Variants in ADAMTS18 observed in about 807,000 individuals in gnomAD.
The protein encoded by ADAMTS18 is ADAM metallopeptidase with thrombospondin type 1 motif 18.
In ADAMTS18, 157 loss-of-function variants were observed where a neutral mutation model predicts 165.9. The ratio of observed to expected loss-of-function variants is 0.95; its 90% confidence interval spans 0.83 to 1.08. The LOEUF (loss-of-function observed/expected upper bound fraction) is 1.08. Among genes scored for constraint, ADAMTS18 ranks in the 50% least tolerant of loss-of-function variants. The pLI, the probability that ADAMTS18 is intolerant of heterozygous loss-of-function variation, is 0.00. For synonymous variants in ADAMTS18, 782 were observed against 578.2 expected (o/e 1.35, Z -5.06); for missense variants, 2,040 against 1,534.0 (o/e 1.33, Z -5.51).
Position 77,282,906 on chromosome 16 carries a change from C to CTCTCTTTTTTTTTTTTTT in ADAMTS18, c.*1049_*1050insAAAAAAAAAAAAAAGAGA. The CTCTCTTTTTTTTTTTTTT allele has an allele frequency of 1.3e-5, 1 of 77,582 alleles. No homozygotes were observed. The highest frequency in any genetic ancestry group is 2.8e-5 in the Non-Finnish European group (1 of 36,340). 4.8% of individuals were successfully genotyped at this position (77,582 alleles called of 1,614,324 possible). ...CCACTGTTTACTCCTTTCTTTCTCT[C>CTCTCTTTTTTTTTTTTTT]TTTTTTTTTTTTTTTTTTTTGCTGT... On this transcript the variant is annotated 3_prime_UTR_variant, in exon 23 of 23. Coordinates refer to ENST00000282849, the MANE Select transcript of ADAMTS18 (RefSeq NM_199355.4).
intron 12 of ADAMTS18, among the ~76,000 whole-genome samples, chr16:77,331,874 C>G (rs1421540135): frequency 6.6e-6 from 1 of 152,212 alleles, no homozygotes; most frequent in African/African-American, 2.4e-5. Flanking sequence ...CCAAACTCTG[C>G]TTTATATTTT....
chr16:77,340,932 G>C (rs2056388707), intron 11 of ADAMTS18, among the ~76,000 whole-genome samples: 1 of 152,102 alleles, frequency 6.6e-6, no homozygotes, highest in African/African-American at 2.4e-5. Context: ...CCTTGAGACA[G>C]AGTCAATAAT....
At chr16:77,385,682 G>A (rs148826647) in intron 3 of ADAMTS18, among the ~76,000 whole-genome samples, 26 of 152,282 alleles carry the variant, frequency 1.7e-4, no homozygotes, top group African/African-American at 4.6e-4. Flanking sequence ...GATTAAGTAC[G>A]CTACGTGGCA....
intron 3 of ADAMTS18, among the ~76,000 whole-genome samples, chr16:77,419,227 T>A (rs1274632194): frequency 6.6e-6 from 1 of 152,170 alleles, no homozygotes; most frequent in African/African-American, 2.4e-5. Context: ...GTTCCCTGCT[T>A]AGGGTCTTCA....
intron 12 of ADAMTS18, among the ~76,000 whole-genome samples, chr16:77,326,669 C>A (rs544505766): frequency 2.6e-4 from 39 of 152,198 alleles, no homozygotes; most frequent in African/African-American, 8.7e-4. Flanking sequence ...AGGTGTGAAC[C>A]AATGCACCCA....
Position 77,406,061 on chromosome 16 carries a change from G to A in ADAMTS18, c.495+25234C>T, listed in dbSNP as rs150924839. ...TAACTTTGATACCCAAACCTGACAA[G>A]GGTACAACAGTAAAATTACAGACCA... On this transcript the variant is annotated intron_variant, in intron 3 of 22. Coordinates refer to ENST00000282849, the MANE Select transcript of ADAMTS18 (RefSeq NM_199355.4). 4.6e-5 allele frequency among the ~76,000 whole-genome samples: 7 copies of A among 152,212 alleles called. No homozygotes were observed. The East Asian group carries it at 1.4e-3, about 29-fold the overall frequency.
chr16:77,377,146 T>C (rs77581152), intron 3 of ADAMTS18, among the ~76,000 whole-genome samples: 13,600 of 152,306 alleles, frequency 0.089, 795 homozygotes, highest in East Asian at 0.26. Context: ...AAAGGACTCA[T>C]GCCAGGTATA....
At chr16:77,356,445 C>T (rs755198424) in intron 8 of ADAMTS18, among the ~76,000 whole-genome samples, 6 of 152,034 alleles carry the variant, frequency 3.9e-5, no homozygotes, top group African/African-American at 9.7e-5. Flanking sequence ...TCACCAACCA[C>T]GGAACTATGG....
At chr16:77,325,672 TA>T (rs112943550) in intron 13 of ADAMTS18, among the ~76,000 whole-genome samples, 193 bp downstream of exon 13, 4,574 of 115,510 alleles carry the variant, frequency 0.04, 410 homozygotes, top group East Asian at 0.24. Context: ...AGGTATCTTA[TA>T]GGGGGAAAAA....
At chr16:77,326,087 T>G in intron 12 of ADAMTS18, 49 bp from the exon 13 acceptor site, 1 of 1,559,704 alleles carries the variant, frequency 6.4e-7, no homozygotes, top group Non-Finnish European at 8.8e-7. Context: ...AAGGGCTCAT[T>G]ATTAGTCACA....
chr16:77,415,612 A>C (rs1338566826), intron 3 of ADAMTS18, among the ~76,000 whole-genome samples: 1 of 151,780 alleles, frequency 6.6e-6, no homozygotes, highest in Non-Finnish European at 1.5e-5. Flanking sequence ...TCAGTATGTA[A>C]AACATGTCAC....
intron 21 of ADAMTS18, chr16:77,290,984 CA>C (rs1356436901): frequency 1.3e-5 from 5 of 388,376 alleles, no homozygotes; most frequent in African/African-American, 1.0e-4. Context: ...CCAACATTAG[CA>C]GTGTATAACT....
intron 3 of ADAMTS18, among the ~76,000 whole-genome samples, chr16:77,375,080 T>A (rs771383360): frequency 9.9e-5 from 15 of 152,098 alleles, no homozygotes; most frequent in Non-Finnish European, 1.8e-4. Flanking sequence ...TCTGGCTTGG[T>A]AACAGTGAAT....
At chr16:77,324,914 G>GA (rs11465146) in intron 13 of ADAMTS18, among the ~76,000 whole-genome samples, 53,990 of 151,910 alleles carry the variant, frequency 0.36, 11,115 homozygotes, top group East Asian at 0.88. Flanking sequence ...ATACTTCCTG[G>GA]CAAACAGTCA....
At chr16:77,306,789 G>C (rs1457712494) in intron 16 of ADAMTS18, among the ~76,000 whole-genome samples, 1 of 152,184 alleles carries the variant, frequency 6.6e-6, no homozygotes, top group Non-Finnish European at 1.5e-5. Context: ...AGAAGAAGGT[G>C]CTATTAATTC....
At chr16:77,298,711 G>A (rs1316500763) in intron 17 of ADAMTS18, among the ~76,000 whole-genome samples, 1 of 152,196 alleles carries the variant, frequency 6.6e-6, no homozygotes, top group Non-Finnish European at 1.5e-5. Flanking sequence ...AGGATGGCTT[G>A]AGCCCCAGAG....
intron 3 of ADAMTS18, among the ~76,000 whole-genome samples, chr16:77,374,000 C>T (rs1597189953): frequency 6.6e-6 from 1 of 152,050 alleles, no homozygotes; most frequent in Non-Finnish European, 1.5e-5. Context: ...GTGCAGATCA[C>T]GTGAGGTCAG....
At chr16:77,371,977 A>G (rs1279962124) in intron 3 of ADAMTS18, among the ~76,000 whole-genome samples, 3 of 152,188 alleles carry the variant, frequency 2.0e-5, no homozygotes, top group Non-Finnish European at 4.4e-5. Context: ...CTAAATAAAT[A>G]CTTCTCAAAA....
At chr16:77,345,839 G>A (rs2056467411) in intron 10 of ADAMTS18, among the ~76,000 whole-genome samples, 1 of 152,142 alleles carries the variant, frequency 6.6e-6, no homozygotes, top group Admixed American at 6.5e-5. Context: ...GTGTCAGTCA[G>A]CTCATGGCAC....
Sources: allele counts gnomAD v4.1 joint callset (sites outside exome capture counted in the v4.1 genomes callset), GRCh38; gene constraint gnomAD v4.1.1; transcripts MANE v1.5; gene names NCBI Gene and HGNC (gene_info 2026-07-23, HGNC 2026-07-21).